AGBL1: variants seen among roughly 807,000 people sequenced by gnomAD.
The protein encoded by AGBL1 is cytosolic carboxypeptidase 4.
A neutral mutation model predicts 118.9 loss-of-function variants in AGBL1; 130 were observed. That is an observed-to-expected ratio of 1.09 (90% CI 0.95 to 1.26). The LOEUF (loss-of-function observed/expected upper bound fraction) is 1.26, where lower values mean the gene tolerates loss of function less well. AGBL1 is among the 50% of genes most tolerant of loss of function. AGBL1 has a pLI of 0.00. For missense variants in AGBL1, 1,584 were observed against 1,298.1 expected, an observed-to-expected ratio of 1.22 and a Z score of -3.38; for synonymous variants, 555 against 478.9, an observed-to-expected ratio of 1.16 and a Z score of -2.08.
At chr15:87,028,979 C>T (rs2081761503) in exon 25 of AGBL1, 1 of 851,462 alleles carries the variant, frequency 1.2e-6, no homozygotes, top group Non-Finnish European at 1.9e-6. Flanking sequence ...CCCTGCACTC[C>T]CTTATCTAGT....
At chr15:86,536,245 T>G (rs930262379) in intron 19 of AGBL1, among the ~76,000 whole-genome samples, 1 of 152,234 alleles carries the variant, frequency 6.6e-6, no homozygotes, top group Non-Finnish European at 1.5e-5. Flanking sequence ...GCATTTTTTC[T>G]CTTGCTCTCA....
intron 5 of AGBL1, among the ~76,000 whole-genome samples, chr15:86,210,595 C>G (rs1335390151): frequency 2.0e-5 from 3 of 152,176 alleles, no homozygotes; most frequent in African/African-American, 7.2e-5. Context: ...CTTTCTTCCA[C>G]TTGATCTAAT....
At chr15:86,392,204 A>ATT (rs149812215) in intron 17 of AGBL1, among the ~76,000 whole-genome samples, 1 of 150,498 alleles carries the variant, frequency 6.6e-6, no homozygotes, top group African/African-American at 2.4e-5. Flanking sequence ...TCTGTCGTCT[A>ATT]TTTTTTTTTC....
intron 23 of AGBL1, among the ~76,000 whole-genome samples, chr15:86,973,994 T>A (rs1197501395): frequency 0.011 from 1,398 of 130,754 alleles, no homozygotes; most frequent in Non-Finnish European, 0.015. Flanking sequence ...ACATATTTAA[T>A]ATATTAAATA....
intron 22 of AGBL1, among the ~76,000 whole-genome samples, chr15:86,700,887 C>T (rs962448922): frequency 1.3e-5 from 2 of 152,074 alleles, no homozygotes; most frequent in Non-Finnish European, 2.9e-5. Flanking sequence ...GCCTGGTGTT[C>T]ATGTGGTCTC....
At chr15:86,807,467 G>A (rs968972334) in intron 22 of AGBL1, among the ~76,000 whole-genome samples, 4 of 151,942 alleles carry the variant, frequency 2.6e-5, no homozygotes, top group Admixed American at 1.3e-4. Flanking sequence ...CAAGGAAGAC[G>A]AGACAGAAAA....
chr15:86,668,324 C>A (rs1034858818), intron 21 of AGBL1, among the ~76,000 whole-genome samples: 4 of 152,172 alleles, frequency 2.6e-5, no homozygotes, highest in Non-Finnish European at 5.9e-5. Context: ...GTCTAACTCA[C>A]AATTTTGGCC....
chr15:86,970,772 C>T (rs989784390), intron 23 of AGBL1, among the ~76,000 whole-genome samples: 1 of 151,902 alleles, frequency 6.6e-6, no homozygotes, highest in African/African-American at 2.4e-5. Context: ...TGAAACTTTC[C>T]CCTAGATATC....
At chr15:86,798,130 T>C (rs765866627) in intron 22 of AGBL1, among the ~76,000 whole-genome samples, 7 of 152,256 alleles carry the variant, frequency 4.6e-5, no homozygotes, top group Middle Eastern at 3.4e-3. Flanking sequence ...CTGCAGACCA[T>C]AGAACAGAAA....
At chr15:86,995,488 C>T (rs1444594913) in intron 24 of AGBL1, among the ~76,000 whole-genome samples, 2 of 152,120 alleles carry the variant, frequency 1.3e-5, no homozygotes, top group Admixed American at 1.3e-4. Flanking sequence ...CAAATAGATA[C>T]AATTCTATGC....
chr15:86,806,436 C>T (rs1396548984), intron 22 of AGBL1, among the ~76,000 whole-genome samples: 1 of 152,088 alleles, frequency 6.6e-6, no homozygotes, highest in Non-Finnish European at 1.5e-5. Flanking sequence ...CAGTTAATGC[C>T]ATATGAAATA....
chr15:86,526,577 C>A (rs910724128), intron 19 of AGBL1, among the ~76,000 whole-genome samples: 5 of 106,390 alleles, frequency 4.7e-5, no homozygotes, highest in Middle Eastern at 5.2e-3. Context: ...TATATATACA[C>A]ACAGAGTATA....
intron 1 of AGBL1, among the ~76,000 whole-genome samples, chr15:86,135,652 T>TAGGATC (rs2076879530): frequency 6.6e-6 from 1 of 152,152 alleles, no homozygotes; most frequent in Non-Finnish European, 1.5e-5. Flanking sequence ...GACCCCATGC[T>TAGGATC]AGGATCAGGG....
At chr15:86,813,079 A>G (rs532427747) in intron 22 of AGBL1, among the ~76,000 whole-genome samples, 1 of 152,166 alleles carries the variant, frequency 6.6e-6, no homozygotes, top group South Asian at 2.1e-4. Flanking sequence ...CTGTTGGGAG[A>G]TGAAAGAAGG....
intron 17 of AGBL1, among the ~76,000 whole-genome samples, chr15:86,325,815 C>T (rs939624009): frequency 5.3e-5 from 8 of 152,256 alleles, no homozygotes; most frequent in African/African-American, 1.4e-4. Flanking sequence ...CAGAGTGGTA[C>T]AGTCTGTGCA....
chr15:86,141,401 A>G (rs1426755474), intron 1 of AGBL1, among the ~76,000 whole-genome samples: 1 of 152,188 alleles, frequency 6.6e-6, no homozygotes, highest in East Asian at 1.9e-4. Flanking sequence ...TCATGCCTGT[A>G]ATCCCTTTGG....
intron 22 of AGBL1, among the ~76,000 whole-genome samples, chr15:86,753,325 T>G (rs1246664021): frequency 2.0e-5 from 3 of 151,938 alleles, no homozygotes; most frequent in East Asian, 3.9e-4. Flanking sequence ...AGCTTCATTT[T>G]CAGTAAACTT....
At chr15:86,877,303 C>T (rs1476043825) in intron 22 of AGBL1, among the ~76,000 whole-genome samples, 1 of 152,024 alleles carries the variant, frequency 6.6e-6, no homozygotes, top group Non-Finnish European at 1.5e-5. Context: ...TGACAGGTGC[C>T]CAGCCCTGCC....
intron 22 of AGBL1, among the ~76,000 whole-genome samples, chr15:86,706,399 A>G (rs1005001168): frequency 6.6e-6 from 1 of 152,118 alleles, no homozygotes; most frequent in Admixed American, 6.6e-5. Context: ...AGATTCTTGG[A>G]CCTGGTCTGT....
Sources: gnomAD v4.1 joint callset for allele counts (sites outside exome capture counted in the v4.1 genomes callset) on GRCh38, gnomAD v4.1.1 for gene constraint, MANE v1.5 for transcripts, NCBI Gene and HGNC (gene_info 2026-07-23, HGNC 2026-07-21) for gene names.